Variants in MFSD8 observed in about 807,000 individuals in gnomAD.
MFSD8 encodes the protein major facilitator superfamily domain containing 8.
In MFSD8, 55 loss-of-function variants were observed where a neutral mutation model predicts 66.4. That is an observed-to-expected ratio of 0.83 (90% CI 0.67 to 1.04). The LOEUF is 1.04. Ranked by LOEUF, MFSD8 falls within the 50% of genes least tolerant of loss-of-function variation. The pLI, the probability that MFSD8 is intolerant of heterozygous loss-of-function variation, is 0.00. For missense variants in MFSD8, 550 were observed against 627.6 expected, an observed-to-expected ratio of 0.88 and a Z score of 1.32; for synonymous variants, 202 against 212.8, an observed-to-expected ratio of 0.95 and a Z score of 0.44.
At chr4:127,940,147 T>TG (rs1043511257) in intron 5 of MFSD8, 150 bp from the exon 6 acceptor site, 98 of 774,482 alleles carry the variant, frequency 1.3e-4, no homozygotes, top group South Asian at 9.7e-4. Context: ...TGGTTCTTGA[T>TG]GGGGGGTCAA....
intron 1 of MFSD8, among the ~76,000 whole-genome samples, chr4:127,964,464 G>A (rs2149002924): frequency 6.6e-6 from 1 of 152,352 alleles, no homozygotes; most frequent in Non-Finnish European, 1.5e-5. Flanking sequence ...CACACCCTCC[G>A]CAGCCGCTGG....
rs1741657426 is a variant in MFSD8 at position 127,949,850 on chromosome 4, G to A, written c.155-3C>T. The stretch of plus-strand genomic sequence containing the variant: ...GGACATCATCACTACAGAAAACCCT[G>A]TGAAGAAGCAAACTAGGTTATTTAT... On this transcript the variant is annotated splice_polypyrimidine_tract_variant and splice_region_variant and intron_variant, in intron 2 of 11. Coordinates refer to ENST00000641686, the MANE Select transcript of MFSD8 (RefSeq NM_001371596.2). The A allele has an allele frequency of 6.2e-7, 1 of 1,608,082 alleles. No homozygotes were observed. Among genetic ancestry groups the A allele is most frequent in the Admixed American group, 1.7e-5 (1 of 59,632 alleles).
rs1553949104 is a variant in MFSD8, at chr4:127,938,592, A to AAAAAAAAT, written c.754+190_754+191insATTTTTTT. On this transcript the variant is annotated intron_variant, in intron 7 of 11. Transcript: ENST00000641686. ...AGCGAAACTCTGTCTCAAAAAAAAAAAAATAAATAAATAAATAAATAAATA... is the reference window on the plus strand; with the variant it reads ...AGCGAAACTCTGTCTCAAAAAAAAAAAAAAAAATAAATAAATAAATAAATAAATAAATA... Among the ~76,000 whole-genome samples, 17 of 131,016 alleles carry AAAAAAAAT rather than the reference A, an allele frequency of 1.3e-4. No individual in the cohort carries two copies. The South Asian group carries it at 2.5e-3, about 19-fold the overall frequency. 86.0% of individuals were successfully genotyped at this position (131,016 alleles called of 152,430 possible).
intron 9 of MFSD8, among the ~76,000 whole-genome samples, chr4:127,929,322 CAAAAAAAAAAAAA>C (rs543453360): frequency 0.1 from 3,124 of 30,446 alleles, 266 homozygotes; most frequent in East Asian, 0.48. Flanking sequence ...GACTCCGTCA[CAAAAAAAAAAAAA>C]AAAAAAAAAA....
At chr4:127,933,114 A>C in intron 7 of MFSD8, 21 bp from the exon 8 acceptor site, 1 of 1,561,516 alleles carries the variant, frequency 6.4e-7, no homozygotes, top group South Asian at 1.1e-5. Flanking sequence ...ATAGGAGAAA[A>C]ATTACATTAC....
intron 9 of MFSD8, among the ~76,000 whole-genome samples, chr4:127,924,144 C>A (rs1471699282): frequency 6.6e-6 from 1 of 152,064 alleles, no homozygotes. Flanking sequence ...GGTTGGTAGG[C>A]TATTAATTAC....
chr4:127,965,385 A>T, upstream of MFSD8: 3 of 592,332 alleles, frequency 5.1e-6, no homozygotes, highest in East Asian at 2.8e-5. Flanking sequence ...CTGAGAGCCC[A>T]GGAGAGCTCG....
At chr4:127,922,430 C>T (rs374841165) in intron 9 of MFSD8, among the ~76,000 whole-genome samples, 72 of 152,068 alleles carry the variant, frequency 4.7e-4, no homozygotes, top group African/African-American at 1.6e-3. Context: ...TCAAAACCAG[C>T]CTGGGCAACA....
chr4:127,932,220 A>G (rs757644994), intron 8 of MFSD8: 17 of 152,248 alleles, frequency 1.1e-4, no homozygotes, highest in Non-Finnish European at 1.9e-4. Context: ...ATATATCTCA[A>G]TAATTTTGAA....
At chr4:127,928,603 G>A (rs150732167) in intron 9 of MFSD8, among the ~76,000 whole-genome samples, 3,086 of 152,280 alleles carry the variant, frequency 0.02, 49 homozygotes, top group Non-Finnish European at 0.031. Flanking sequence ...GGATGCTGGC[G>A]AGGATGTGGA....
Position 127,938,828 on chromosome 4 carries a change from C to G in MFSD8, c.709G>C (p.Val237Leu). Residue 237 changes from valine (V) to leucine (L), a missense_variant, in exon 7 of 12, where the codon GTG becomes CTG. Transcript: ENST00000641686. ...LILAILREHR[V>L]DDSGRQCKSI... ...TTACACTGTCTTCCTGAGTCATCCA[C>G]ACGATGTTCTCTTAAAAAGAAAAAC... The G allele has an allele frequency of 6.2e-7, 1 of 1,607,760 alleles. No individual in the cohort carries two copies. Among genetic ancestry groups the G allele is most frequent in the South Asian group, 1.1e-5 (1 of 90,428 alleles).
upstream of MFSD8, chr4:127,965,338 C>T: frequency 1.6e-6 from 1 of 642,100 alleles, no homozygotes; most frequent in Non-Finnish European, 2.8e-6. Flanking sequence ...TGTCCTCAGC[C>T]TCCTCCCTCG....
rs968113287 is a variant in MFSD8, at chr4:127,921,181, C to T, written c.1350+343G>A. On this transcript the variant is annotated intron_variant, in intron 11 of 11. Coordinates refer to ENST00000641686, the MANE Select transcript of MFSD8 (RefSeq NM_001371596.2). ...CATCATTTGTAATGTTCACAAGTTT[C>T]GATGACAGGTGTTATGCCTGTTTAA... 5 of 563,808 alleles carry T rather than the reference C, an allele frequency of 8.9e-6. No individual in the cohort carries two copies. In the East Asian group the frequency reaches 9.0e-5, roughly 10 times the overall value. 34.9% of individuals were successfully genotyped at this position (563,808 alleles called of 1,614,324 possible).
intron 4 of MFSD8, 94 bp downstream of exon 4, chr4:127,943,658 G>C: frequency 8.4e-6 from 12 of 1,433,392 alleles, no homozygotes; most frequent in Non-Finnish European, 1.2e-5. Flanking sequence ...TGTGAAATAT[G>C]AGTTTAAAAG....
In MFSD8 at chr4:127,943,740, A is replaced by G; in HGVS notation, c.439+12T>C. The G allele has an allele frequency of 6.2e-7, 1 of 1,614,076 alleles. No individual in the cohort carries two copies. Among genetic ancestry groups the G allele is most frequent in the Non-Finnish European group, 8.5e-7 (1 of 1,180,008 alleles). On this transcript the variant is annotated intron_variant, in intron 4 of 11. Coordinates refer to ENST00000641686, the MANE Select transcript of MFSD8 (RefSeq NM_001371596.2). ...GAATATGACACAACCAAACATATAC[A>G]TACAACCTTACCTGCTCCAATTCCC...
intron 1 of MFSD8, among the ~76,000 whole-genome samples, chr4:127,961,820 C>CA (rs4000711): frequency 0.62 from 50,157 of 80,398 alleles, 15,803 homozygotes; most frequent in Middle Eastern, 0.74. Flanking sequence ...GACTCCGTCT[C>CA]AAAAAAAAAA....
intron 8 of MFSD8, among the ~76,000 whole-genome samples, chr4:127,931,574 C>T (rs1578844909): frequency 6.6e-6 from 1 of 152,120 alleles, no homozygotes; most frequent in Non-Finnish European, 1.5e-5. Context: ...CCAGGCTGGT[C>T]TTGAACTCCT....
intron 6 of MFSD8, 81 bp downstream of exon 6, chr4:127,939,772 G>A (rs1005365129): frequency 6.8e-7 from 1 of 1,466,878 alleles, no homozygotes; most frequent in African/African-American, 1.4e-5. Flanking sequence ...CACTTCATAA[G>A]GATAATTATC....
At chr4:127,937,975 T>C (rs1013228187) in intron 7 of MFSD8, among the ~76,000 whole-genome samples, 1 of 151,360 alleles carries the variant, frequency 6.6e-6, no homozygotes, top group Non-Finnish European at 1.5e-5. Context: ...AAATAACAGG[T>C]TTTTTTTTGG....
Sources: gnomAD v4.1 joint callset for allele counts (sites outside exome capture counted in the v4.1 genomes callset) on GRCh38, gnomAD v4.1.1 for gene constraint, MANE v1.5 for transcripts, NCBI Gene and HGNC (gene_info 2026-07-23, HGNC 2026-07-21) for gene names.